NR4A1: variants seen among roughly 807,000 people sequenced by gnomAD.
The protein encoded by NR4A1 is nuclear receptor subfamily 4 group A member 1.
In NR4A1, 24 loss-of-function variants were observed where a neutral mutation model predicts 47.5. The observed-to-expected ratio is 0.50, with a 90% CI of 0.37 to 0.71. The LOEUF is 0.71. NR4A1 is among the 30% of genes least tolerant of loss of function. The pLI is 0.00. For synonymous variants in NR4A1, 353 were observed against 345.7 expected, an observed-to-expected ratio of 1.02 and a Z score of -0.24; for missense variants, 669 against 788.6, an observed-to-expected ratio of 0.85 and a Z score of 1.82.
intron 1 of NR4A1, among the ~76,000 whole-genome samples, chr12:52,032,216 AAAG>A (rs1938142233): frequency 6.6e-6 from 1 of 152,248 alleles, no homozygotes; most frequent in East Asian, 1.9e-4. Context: ...TAGACTGAGT[AAAG>A]AAGACCGCCC....
At chr12:52,044,366 G>T (rs1938551142) in intron 2 of NR4A1, among the ~76,000 whole-genome samples, 1 of 152,212 alleles carries the variant, frequency 6.6e-6, no homozygotes, top group Admixed American at 6.5e-5. Context: ...CGCTTGCCGG[G>T]CCCTTGCCCG....
chr12:52,053,427 T>G (rs1939082155), intron 1 of NR4A1: 1 of 152,090 alleles, frequency 6.6e-6, no homozygotes, highest in Non-Finnish European at 1.5e-5. Flanking sequence ...CAGAGTTCTC[T>G]TATTAAGATA....
chr12:52,026,139 A>T (rs1937994566), intron 1 of NR4A1, among the ~76,000 whole-genome samples: 1 of 152,262 alleles, frequency 6.6e-6, no homozygotes, highest in Non-Finnish European at 1.5e-5. Context: ...GGGCAATGAC[A>T]TGAGCTGCAC....
intron 1 of NR4A1, among the ~76,000 whole-genome samples, chr12:52,030,158 G>A (rs769185967): frequency 2.0e-5 from 3 of 152,184 alleles, no homozygotes; most frequent in East Asian, 3.9e-4. Context: ...CATTTTCTCC[G>A]CCCTCCCTGT....
At position 52,059,110 on chromosome 12, in the gene NR4A1, G is replaced by A. The variant is rs575198044; in HGVS notation, c.*166G>A. The A allele has an allele frequency of 4.8e-3, 4,187 of 865,856 alleles. 11 individuals are homozygous for A. Among genetic ancestry groups the A allele is most frequent in the Non-Finnish European group, 6.6e-3 (3,862 of 582,048 alleles). The allele number at this position is 865,856 out of a possible 1,614,324, so 53.6% of individuals were successfully genotyped here. On this transcript the variant is annotated 3_prime_UTR_variant, in exon 7 of 7. Transcript: ENST00000394825. ...TGCAGGGAGCTCAAGCCCTTGGGGA[G>A]GGGGATGCCTTCATGGGGGTGACCC...
intron 2 of NR4A1, among the ~76,000 whole-genome samples, chr12:52,042,411 C>A (rs1448522948): frequency 6.6e-6 from 1 of 152,054 alleles, no homozygotes. Context: ...GTGCCTGCCC[C>A]TCCTCACTGT....
chr12:52,052,268 C>CGTGTGTGTGTGTGTGTGT (rs60552358), intron 1 of NR4A1, among the ~76,000 whole-genome samples: 4 of 129,916 alleles, frequency 3.1e-5, no homozygotes, highest in African/African-American at 1.3e-4. Flanking sequence ...GCTTGGATCA[C>CGTGTGTGTGTGTGTGTGT]GTGTGTGTGT....
rs372483302 is a variant in NR4A1, at chr12:52,054,745, G to T, written c.417G>T (p.Pro139=). The change falls in exon 2 of 7, where the codon CCG becomes CCT. Residue 139 remains proline (P), a synonymous_variant. Coordinates refer to ENST00000394825, the MANE Select transcript of NR4A1 (RefSeq NM_173157.3). ...ACTATGGCAGCCCCTGCTCGGCCCCGTCGCCCTCCACGCCCAGCTTCCAGC... is the reference window on the plus strand; with the variant it reads ...ACTATGGCAGCCCCTGCTCGGCCCCTTCGCCCTCCACGCCCAGCTTCCAGC... ...SDYYGSPCSA[P]SPSTPSFQPP... The T allele has an allele frequency of 1.2e-6, 2 of 1,612,568 alleles. No homozygotes were observed. Among genetic ancestry groups the T allele is most frequent in the South Asian group, 2.2e-5 (2 of 91,070 alleles).
intron 1 of NR4A1, chr12:52,023,012 T>G (rs1300085): frequency 0.11 from 17,423 of 152,258 alleles, 1,058 homozygotes; most frequent in African/African-American, 0.13. Context: ...GTCGTCTGGC[T>G]GGGTATCGCC....
chr12:52,044,049 G>T, intron 2 of NR4A1: 2 of 592,284 alleles, frequency 3.4e-6, no homozygotes, highest in South Asian at 3.5e-5. Context: ...AGGCATGAGT[G>T]TGCAGCTTGA....
At chr12:52,056,257 G>C (rs971461670) in intron 3 of NR4A1, 98 bp downstream of exon 3, 11 of 1,485,112 alleles carry the variant, frequency 7.4e-6, no homozygotes, top group African/African-American at 1.4e-5. Flanking sequence ...ACCCAGAGGA[G>C]GGCACGTCTT....
chr12:52,041,833 G>T, exon 2 of NR4A1: 1 of 1,490,684 alleles, frequency 6.7e-7, no homozygotes, highest in Non-Finnish European at 8.9e-7. Context: ...ACAGAGGCCA[G>T]GCCCTGCCCC....
intron 6 of NR4A1, 114 bp downstream of exon 6, chr12:52,057,644 G>A: frequency 1.6e-6 from 2 of 1,215,164 alleles, no homozygotes; most frequent in Non-Finnish European, 2.3e-6. Context: ...CACTTTCTGG[G>A]CCCCTGCACT....
At chr12:52,041,642 C>T (rs1938442332) in intron 1 of NR4A1, among the ~76,000 whole-genome samples, 1 of 152,210 alleles carries the variant, frequency 6.6e-6, no homozygotes, top group Non-Finnish European at 1.5e-5. Flanking sequence ...GCCTCGGCCC[C>T]CAGGCTCCAA....
chr12:52,030,146 G>A (rs1486386121), intron 1 of NR4A1, among the ~76,000 whole-genome samples: 2 of 152,196 alleles, frequency 1.3e-5, no homozygotes, highest in African/African-American at 4.8e-5. Context: ...CTGCTGCAGG[G>A]GCATTTTCTC....
rs190804132 is a variant in NR4A1 at position 52,058,686 on chromosome 12, A to T, written c.1541-2A>T. 1 of 1,598,830 alleles carries T rather than the reference A, an allele frequency of 6.3e-7. No homozygotes were observed. The highest frequency in any genetic ancestry group is 8.5e-7 in the Non-Finnish European group (1 of 1,172,950). On this transcript the variant is annotated splice_acceptor_variant, in intron 6 of 6. Transcript: ENST00000394825. LOFTEE classifies it high-confidence loss of function. ...ACAGCTAATCCTGTACCCTTCCCGC[A>T]GACCGGCATGGGCTGCAGGAGCCGC...
chr12:52,048,176 A>C (rs1162431363), upstream of NR4A1, among the ~76,000 whole-genome samples: 1 of 151,510 alleles, frequency 6.6e-6, no homozygotes, highest in African/African-American at 2.4e-5. Flanking sequence ...AACAAAAAAC[A>C]AAAAAAGAGC....
intron 1 of NR4A1, among the ~76,000 whole-genome samples, chr12:52,034,596 G>A (rs761870374): frequency 2.5e-4 from 38 of 152,248 alleles, no homozygotes; most frequent in Non-Finnish European, 5.3e-4. Flanking sequence ...GCACTGGCCT[G>A]GGAGTCAGAA....
chr12:52,040,744 T>TGG (rs1169278222), intron 1 of NR4A1, among the ~76,000 whole-genome samples: 1 of 152,028 alleles, frequency 6.6e-6, no homozygotes, highest in African/African-American at 2.4e-5. Context: ...AAAGGTCAGG[T>TGG]GGGTGAGGAA....
Sources: gnomAD v4.1 joint callset for allele counts (sites outside exome capture counted in the v4.1 genomes callset) on GRCh38, gnomAD v4.1.1 for gene constraint, MANE v1.5 for transcripts, NCBI Gene and HGNC (gene_info 2026-07-23, HGNC 2026-07-21) for gene names.